Variants in SLC35D4 observed in about 807,000 individuals in gnomAD.
SLC35D4 encodes the protein solute carrier family 35 member D4.
the SLC35D4 span, among the ~76,000 whole-genome samples, chr18:23,381,205 G>A: frequency 6.6e-6 from 1 of 152,238 alleles, no homozygotes; most frequent in South Asian, 2.1e-4. Flanking sequence ...TGGAATGATA[G>A]CCTTAATAGG....
chr18:23,267,963 G>T, the SLC35D4 span, among the ~76,000 whole-genome samples: 4 of 152,218 alleles, frequency 2.6e-5, no homozygotes, highest in Non-Finnish European at 4.4e-5. Flanking sequence ...CAATTCCACA[G>T]CTGTCCAGTT....
At chr18:23,373,179 G>T in the SLC35D4 span, among the ~76,000 whole-genome samples, 3 of 152,244 alleles carry the variant, frequency 2.0e-5, no homozygotes, top group African/African-American at 7.2e-5. Flanking sequence ...GCTGGGCATG[G>T]TGGTGGGCGC....
chr18:23,243,475 T>TG, the SLC35D4 span, among the ~76,000 whole-genome samples: 7 of 149,352 alleles, frequency 4.7e-5, no homozygotes, highest in East Asian at 3.9e-4. Context: ...GGTGTTTTTT[T>TG]TTTTTTTTTT....
chr18:23,334,490 T>C, the SLC35D4 span, among the ~76,000 whole-genome samples: 46 of 152,366 alleles, frequency 3.0e-4, no homozygotes, highest in African/African-American at 9.4e-4. Flanking sequence ...ATTTATGTGA[T>C]ACAAAGCAAT....
the SLC35D4 span, among the ~76,000 whole-genome samples, chr18:23,409,841 C>T: frequency 2.8e-5 from 2 of 70,486 alleles, no homozygotes; most frequent in Admixed American, 4.0e-4. Flanking sequence ...AAGACTCCGT[C>T]TCTTAAAAAA....
At chr18:23,368,070 T>C in the SLC35D4 span, among the ~76,000 whole-genome samples, 2 of 152,174 alleles carry the variant, frequency 1.3e-5, no homozygotes, top group Non-Finnish European at 2.9e-5. Flanking sequence ...AGCCTCAGAC[T>C]TCATCCTACC....
chr18:23,399,740 C>A, the SLC35D4 span: 1 of 1,167,228 alleles, frequency 8.6e-7, no homozygotes, highest in African/African-American at 1.5e-5. Flanking sequence ...GCATCAACTA[C>A]AACAACAGAG....
At chr18:23,288,170 A>G in the SLC35D4 span, among the ~76,000 whole-genome samples, 2 of 152,072 alleles carry the variant, frequency 1.3e-5, no homozygotes, top group Admixed American at 1.3e-4. Context: ...CATCTCTTTG[A>G]TCCACCTGAC....
chr18:23,281,673 G>A, the SLC35D4 span, among the ~76,000 whole-genome samples: 1 of 152,012 alleles, frequency 6.6e-6, no homozygotes, highest in South Asian at 2.1e-4. Context: ...GAAGACACAG[G>A]GCCTCCCTGA....
chr18:23,285,628 C>CT, the SLC35D4 span, among the ~76,000 whole-genome samples: 5 of 152,140 alleles, frequency 3.3e-5, no homozygotes. Flanking sequence ...TCCCTTCCGC[C>CT]TGTCCCCTCA....
the SLC35D4 span, among the ~76,000 whole-genome samples, chr18:23,433,800 A>T: frequency 6.6e-6 from 1 of 151,886 alleles, no homozygotes; most frequent in South Asian, 2.1e-4. Flanking sequence ...AAATTACACT[A>T]AAAAAAATGG....
the SLC35D4 span, chr18:23,296,809 C>A: frequency 1.4e-5 from 2 of 147,540 alleles, no homozygotes; most frequent in Non-Finnish European, 3.0e-5. Flanking sequence ...TGCTCATAAA[C>A]CCTGTTTCCT....
chr18:23,293,570 G>A, the SLC35D4 span, among the ~76,000 whole-genome samples: 1 of 152,174 alleles, frequency 6.6e-6, no homozygotes, highest in South Asian at 2.1e-4. Context: ...GATGGCCAGG[G>A]GCATCCACAC....
chr18:23,251,003 T>C, the SLC35D4 span, among the ~76,000 whole-genome samples: 5 of 152,214 alleles, frequency 3.3e-5, no homozygotes, highest in African/African-American at 4.8e-5. Flanking sequence ...TAAAATCCTG[T>C]GTCCTATAAA....
At chr18:23,247,604 A>G in the SLC35D4 span, among the ~76,000 whole-genome samples, 1 of 152,352 alleles carries the variant, frequency 6.6e-6, no homozygotes, top group Admixed American at 6.5e-5. Context: ...TGGAGAAGCC[A>G]GAGGAGCAAA....
At chr18:23,260,124 C>T in the SLC35D4 span, 2 of 152,254 alleles carry the variant, frequency 1.3e-5, no homozygotes, top group Non-Finnish European at 2.9e-5. Flanking sequence ...GGCCCAGCCC[C>T]CACTGTACCC....
At chr18:23,407,703 A>C in the SLC35D4 span, among the ~76,000 whole-genome samples, 48 of 152,218 alleles carry the variant, frequency 3.2e-4, no homozygotes, top group African/African-American at 1.2e-3. Context: ...TGCTTTGCCC[A>C]AGAAACTAGC....
the SLC35D4 span, chr18:23,331,188 G>A: frequency 3.3e-5 from 5 of 152,310 alleles, no homozygotes; most frequent in East Asian, 1.9e-4. Flanking sequence ...AAGGAAAAGC[G>A]CGCCCGTGTG....
chr18:23,247,935 G>A, the SLC35D4 span, among the ~76,000 whole-genome samples: 1 of 152,154 alleles, frequency 6.6e-6, no homozygotes, highest in Non-Finnish European at 1.5e-5. Context: ...CTGCTCATGG[G>A]CCCTCCCTGC....
Sources: gnomAD v4.1 joint callset for allele counts (sites outside exome capture counted in the v4.1 genomes callset) on GRCh38, gnomAD v4.1.1 for gene constraint, MANE v1.5 for transcripts, NCBI Gene and HGNC (gene_info 2026-07-23, HGNC 2026-07-21) for gene names.